The following FSTL5 variants were observed in gnomAD, a reference collection of about 807,000 sequenced individuals.
FSTL5 encodes follistatin like 5.
In FSTL5, 62 loss-of-function variants were observed where a neutral mutation model predicts 89.1. That is an observed-to-expected ratio of 0.70 (90% CI 0.57 to 0.86). The LOEUF is 0.86. Ranked by LOEUF, FSTL5 falls within the 40% of genes least tolerant of loss-of-function variation. FSTL5 has a pLI of 0.00. For missense variants in FSTL5, 1,057 were observed against 1,001.6 expected (o/e 1.06, Z -0.75); for synonymous variants, 383 against 346.2 (o/e 1.11, Z -1.18).
chr4:161,778,851 C>T (rs562044844), intron 4 of FSTL5, among the ~76,000 whole-genome samples: 13 of 152,274 alleles, frequency 8.5e-5, no homozygotes, highest in African/African-American at 2.9e-4. Flanking sequence ...TCTGAGTGCA[C>T]AGGTGTGCAT....
chr4:161,407,229 C>T (rs1731416758), intron 15 of FSTL5, among the ~76,000 whole-genome samples: 1 of 152,124 alleles, frequency 6.6e-6, no homozygotes, highest in Non-Finnish European at 1.5e-5. Flanking sequence ...CTAGAATCTC[C>T]TTGGAGAAGG....
chr4:161,442,763 A>T (rs897566776), intron 15 of FSTL5, among the ~76,000 whole-genome samples: 1 of 152,070 alleles, frequency 6.6e-6, no homozygotes, highest in Middle Eastern at 3.2e-3. Flanking sequence ...GTGTGCCAGG[A>T]ACTGTACAAG....
intron 7 of FSTL5, among the ~76,000 whole-genome samples, chr4:161,625,347 T>C (rs1181056743): frequency 6.6e-6 from 1 of 152,166 alleles, no homozygotes; most frequent in Non-Finnish European, 1.5e-5. Context: ...GTGTCACATT[T>C]TGATAAGTCT....
At chr4:161,399,933 G>A (rs990804762) in intron 15 of FSTL5, among the ~76,000 whole-genome samples, 3 of 152,094 alleles carry the variant, frequency 2.0e-5, no homozygotes, top group African/African-American at 7.2e-5. Flanking sequence ...GCTATGTACA[G>A]TATGTAAGCG....
rs113101060 is a variant in FSTL5, at chr4:161,992,957, T to C, written c.160+40668A>G. On this transcript the variant is annotated intron_variant, in intron 3 of 15. Coordinates refer to ENST00000306100, the MANE Select transcript of FSTL5 (RefSeq NM_020116.5). ...ATATATATATGTGTGTATATCTATA[T>C]ATATATGTGTGTATATATATATATG... 6.1e-4 allele frequency among the ~76,000 whole-genome samples: 76 copies of C among 124,720 alleles called. 1 individual carries two copies. The highest frequency in any genetic ancestry group is 1.9e-3 in the African/African-American group (66 of 34,230). The allele number at this position is 124,720 out of a possible 152,430, so 81.8% of individuals were successfully genotyped here.
At chr4:161,799,480 T>G (rs1253242191) in intron 4 of FSTL5, among the ~76,000 whole-genome samples, 1 of 151,780 alleles carries the variant, frequency 6.6e-6, no homozygotes, top group Non-Finnish European at 1.5e-5. Context: ...TGAACTGTTT[T>G]GATGCTAGAA....
intron 4 of FSTL5, among the ~76,000 whole-genome samples, chr4:161,855,402 A>G (rs1731690817): frequency 6.6e-6 from 1 of 152,102 alleles, no homozygotes; most frequent in Non-Finnish European, 1.5e-5. Context: ...AAACAGACAC[A>G]TTTATTTCAA....
chr4:161,459,477 T>C (rs569701592), intron 13 of FSTL5, among the ~76,000 whole-genome samples, 158 bp from the exon 14 acceptor site: 1 of 152,280 alleles, frequency 6.6e-6, no homozygotes, highest in East Asian at 1.9e-4. Flanking sequence ...GAAAATATCA[T>C]ACTTTACTCA....
At chr4:161,424,408 G>GT (rs928290820) in intron 15 of FSTL5, among the ~76,000 whole-genome samples, 254 of 142,256 alleles carry the variant, frequency 1.8e-3, no homozygotes, top group Non-Finnish European at 2.1e-3. Context: ...AAGGCAACTA[G>GT]TTTTTTTTTT....
intron 1 of FSTL5, among the ~76,000 whole-genome samples, chr4:162,153,194 GA>G (rs1733298735): frequency 6.6e-6 from 1 of 151,858 alleles, no homozygotes; most frequent in Non-Finnish European, 1.5e-5. Context: ...TAAAGTCCCT[GA>G]GGTTTACTAA....
intron 1 of FSTL5, among the ~76,000 whole-genome samples, chr4:162,123,042 C>G (rs937791663): frequency 5.9e-5 from 9 of 151,906 alleles, no homozygotes; most frequent in African/African-American, 2.2e-4. Context: ...CCCAGAGGTA[C>G]TATGTTACAG....
At chr4:161,718,589 C>T (rs748824969) in intron 6 of FSTL5, among the ~76,000 whole-genome samples, 5 of 152,086 alleles carry the variant, frequency 3.3e-5, no homozygotes, top group East Asian at 3.9e-4. Context: ...CCACCATGCC[C>T]GGCTACTTTT....
chr4:161,797,726 C>T (rs1729675814), intron 4 of FSTL5, among the ~76,000 whole-genome samples: 1 of 151,494 alleles, frequency 6.6e-6, no homozygotes, highest in African/African-American at 2.4e-5. Context: ...AAGAATGAGA[C>T]ATCATTTTTC....
chr4:161,633,741 T>C (rs901586217), intron 7 of FSTL5, among the ~76,000 whole-genome samples: 3 of 152,162 alleles, frequency 2.0e-5, no homozygotes, highest in Admixed American at 1.3e-4. Context: ...GAAAACATTG[T>C]TGAAATGAAA....
At chr4:161,752,616 T>C (rs993732541) in intron 6 of FSTL5, among the ~76,000 whole-genome samples, 3 of 152,178 alleles carry the variant, frequency 2.0e-5, no homozygotes, top group Admixed American at 6.5e-5. Flanking sequence ...GGATTCAGCT[T>C]TGAAAAATGT....
At chr4:162,116,380 G>T (rs1287548651) in intron 1 of FSTL5, among the ~76,000 whole-genome samples, 1 of 152,324 alleles carries the variant, frequency 6.6e-6, no homozygotes, top group Admixed American at 6.5e-5. Context: ...CACTTCGCAT[G>T]TACCGTTAGC....
chr4:162,120,499 C>T (rs17599297), intron 1 of FSTL5, among the ~76,000 whole-genome samples: 6,986 of 152,056 alleles, frequency 0.046, 367 homozygotes, highest in East Asian at 0.27. Context: ...TGAAAACCAT[C>T]CTAGAGACTT....
At chr4:161,900,260 G>A (rs1733308985) in intron 4 of FSTL5, among the ~76,000 whole-genome samples, 1 of 152,028 alleles carries the variant, frequency 6.6e-6, no homozygotes, top group African/African-American at 2.4e-5. Flanking sequence ...TGTAATGCTG[G>A]AGACAAAAGA....
In FSTL5 at chr4:162,040,967, A is replaced by G. The variant is rs113593441; in HGVS notation, c.127-7309T>C. On this transcript the variant is annotated intron_variant, in intron 2 of 15. Coordinates refer to ENST00000306100, the MANE Select transcript of FSTL5 (RefSeq NM_020116.5). ...TATCCTTAATGTCTTAGCCCCTGCAAGAGTGGACACTTTTCCAACAGAGTC... is the reference window on the plus strand; with the variant it reads ...TATCCTTAATGTCTTAGCCCCTGCAGGAGTGGACACTTTTCCAACAGAGTC... Among the ~76,000 whole-genome samples, 326 of 152,204 alleles carry G rather than the reference A, an allele frequency of 2.1e-3. 3 individuals carry two copies. The highest frequency in any genetic ancestry group is 7.5e-3 in the African/African-American group (310 of 41,544).
Sources: gnomAD v4.1 joint callset for allele counts (sites outside exome capture counted in the v4.1 genomes callset) on GRCh38, gnomAD v4.1.1 for gene constraint, MANE v1.5 for transcripts, NCBI Gene and HGNC (gene_info 2026-07-23, HGNC 2026-07-21) for gene names.